The following RAP1GAP variants were observed in gnomAD, a reference collection of about 807,000 sequenced individuals.
The protein encoded by RAP1GAP is RAP1 GTPase activating protein, also known as rap1 GTPase-activating protein 1.
RAP1GAP carries 35 observed loss-of-function variants against 87.2 expected under a neutral mutation model. The observed-to-expected ratio is 0.40, with a 90% CI of 0.31 to 0.53. The LOEUF is 0.53. Among genes scored for constraint, RAP1GAP ranks in the 20% least tolerant of loss-of-function variants. RAP1GAP has a pLI of 0.48. For synonymous variants in RAP1GAP, 375 were observed against 363.9 expected (o/e 1.03, Z -0.35); for missense variants, 734 against 898.9 (o/e 0.82, Z 2.35).
intron 2 of RAP1GAP, among the ~76,000 whole-genome samples, chr1:21,642,824 G>A (rs1199013221): frequency 1.3e-5 from 2 of 150,388 alleles, no homozygotes; most frequent in Admixed American, 1.3e-4. Context: ...TTGCTGACCT[G>A]CCACCTCCTG....
At chr1:21,627,968 G>C (rs1192318177) in intron 2 of RAP1GAP, among the ~76,000 whole-genome samples, 1 of 152,238 alleles carries the variant, frequency 6.6e-6, no homozygotes, top group Non-Finnish European at 1.5e-5. Flanking sequence ...GCTTGGGTTA[G>C]TGACACAGCC....
At chr1:21,629,956 A>G (rs2093388811) in intron 2 of RAP1GAP, among the ~76,000 whole-genome samples, 1 of 152,238 alleles carries the variant, frequency 6.6e-6, no homozygotes, top group Non-Finnish European at 1.5e-5. Flanking sequence ...CTTCCAGCTC[A>G]GGAACACGAT....
intron 10 of RAP1GAP, 85 bp from the exon 11 acceptor site, chr1:21,612,194 G>A (rs1276214401): frequency 6.7e-6 from 7 of 1,043,720 alleles, no homozygotes; most frequent in African/African-American, 4.8e-5. Context: ...CACTGAGCCA[G>A]GCGCTCTACA....
chr1:21,649,767 C>T lies in RAP1GAP; in HGVS notation c.-119G>A, dbSNP rs1312234369. ...GAGAGTCCCCAGTACTCACCACACA[C>T]TCCGGCGAGAAGTGAAGGACTTGTC... On this transcript the variant is annotated 5_prime_UTR_variant, in exon 2 of 25. The change creates a new upstream start codon in the 5' untranslated region. Transcript: ENST00000374765. 1 of 1,552,454 alleles carries T rather than the reference C, an allele frequency of 6.4e-7. No homozygotes were observed. Among genetic ancestry groups the T allele is most frequent in the East Asian group, 2.4e-5 (1 of 40,940 alleles).
At chr1:21,607,625 C>T (rs541448998) in intron 17 of RAP1GAP, among the ~76,000 whole-genome samples, 1 of 152,234 alleles carries the variant, frequency 6.6e-6, no homozygotes, top group Non-Finnish European at 1.5e-5. Context: ...AGCCTTTGTA[C>T]CAGCAGCCCT....
chr1:21,644,628 G>A (rs1023333999), intron 2 of RAP1GAP, among the ~76,000 whole-genome samples: 2 of 152,084 alleles, frequency 1.3e-5, no homozygotes, highest in African/African-American at 4.8e-5. Flanking sequence ...GGCCGGGCGC[G>A]GTGGCTCACG....
In RAP1GAP at chr1:21,613,658, G is replaced by A. The variant is rs375841009; in HGVS notation, c.444C>T (p.Thr148=). The change falls in exon 9 of 25, where the codon ACC becomes ACT. Residue 148 remains threonine (T), a synonymous_variant. Coordinates refer to ENST00000374765, the MANE Select transcript of RAP1GAP (RefSeq NM_002885.4). This position sits in a 1 kb window ranked among gnomAD's most constrained non-coding sequence, Gnocchi z 4.7. Reference sequence around the variant, plus strand: ...CCATCTGGACAACATTAGGGAACTCGGTGAGGCAGGAGATGGGGATGACAT... The same window carrying A: ...CCATCTGGACAACATTAGGGAACTCAGTGAGGCAGGAGATGGGGATGACAT... ...YHDVIPISCL[T]EFPNVVQMAK... 1.7e-4 allele frequency: 268 copies of A among 1,613,716 alleles called. No homozygotes were observed. The highest frequency in any genetic ancestry group is 2.5e-4 in the Admixed American group (15 of 60,012).
intron 11 of RAP1GAP, 32 bp from the exon 12 acceptor site, chr1:21,611,848 G>A: frequency 6.4e-7 from 1 of 1,572,610 alleles, no homozygotes; most frequent in South Asian, 1.1e-5. Context: ...CATTGAGCTG[G>A]AGTTCCTGAG....
intron 4 of RAP1GAP, among the ~76,000 whole-genome samples, chr1:21,619,318 G>A (rs924655519): frequency 6.6e-5 from 10 of 152,194 alleles, no homozygotes; most frequent in South Asian, 2.1e-4. Context: ...CGCACGTGCC[G>A]CTGGGAGTGG....
chr1:21,618,344 G>A (rs957558268), intron 5 of RAP1GAP, among the ~76,000 whole-genome samples: 10 of 152,164 alleles, frequency 6.6e-5, no homozygotes, highest in African/African-American at 2.2e-4. Flanking sequence ...GCCCCAAAGA[G>A]AGCATCAGGC....
At chr1:21,610,356 G>T (rs775874935) in intron 13 of RAP1GAP, 81 bp from the exon 14 acceptor site, 8 of 1,483,314 alleles carry the variant, frequency 5.4e-6, no homozygotes, top group Non-Finnish European at 7.4e-6. Context: ...GGTTTAGGAG[G>T]GTTTGGGGTA....
chr1:21,601,624 GA>G, intron 20 of RAP1GAP, 59 bp downstream of exon 20: 1 of 1,324,276 alleles, frequency 7.6e-7, no homozygotes. Flanking sequence ...CCAGGCAGGG[GA>G]GGGGAAGGAC....
At chr1:21,633,437 T>C (rs1315993927) in intron 2 of RAP1GAP, among the ~76,000 whole-genome samples, 3 of 152,176 alleles carry the variant, frequency 2.0e-5, no homozygotes, top group Admixed American at 6.5e-5. Flanking sequence ...TAGTGAACCA[T>C]TGATGCTTTG....
At chr1:21,660,075 C>T (rs2097059110) in intron 1 of RAP1GAP, among the ~76,000 whole-genome samples, 1 of 151,816 alleles carries the variant, frequency 6.6e-6, no homozygotes, top group Admixed American at 6.6e-5. Flanking sequence ...TGAATGCCTT[C>T]TGGGATAGGA....
rs1410267305 is a variant in RAP1GAP at position 21,668,676 on chromosome 1, C to T, written c.-149+578G>A. On this transcript the variant is annotated intron_variant, in intron 1 of 24. Transcript: ENST00000374765. This position sits in a 1 kb window ranked among gnomAD's most constrained non-coding sequence, Gnocchi z 6.2. ...CCAGGGGAGGCGACGAGGGGGCGCCCAACTTCGTGACGCGTGTGCCCCGCT... is the reference window on the plus strand; with the variant it reads ...CCAGGGGAGGCGACGAGGGGGCGCCTAACTTCGTGACGCGTGTGCCCCGCT... The T allele has an allele frequency of 6.6e-6, 1 of 152,094 alleles. No individual in the cohort carries two copies. Among genetic ancestry groups the T allele is most frequent in the Non-Finnish European group, 1.5e-5 (1 of 68,016 alleles). The allele number at this position is 152,094 out of a possible 1,614,324, so 9.4% of individuals were successfully genotyped here. A position where few individuals can be genotyped will look rare whatever the true frequency, so the allele number is the denominator to read the frequency against.
Position 21,634,743 on chromosome 1 carries a change from A to C in RAP1GAP, c.-112-8346T>G, listed in dbSNP as rs780879315. The C allele has an allele frequency of 1.7e-5, 8 of 471,798 alleles. No individual in the cohort carries two copies. The highest frequency in any genetic ancestry group is 3.2e-4 in the Middle Eastern group (1 of 3,084). 29.2% of individuals were successfully genotyped at this position (471,798 alleles called of 1,614,324 possible). A position where few individuals can be genotyped will look rare whatever the true frequency, so the allele number is the denominator to read the frequency against. Reference sequence around the variant, plus strand: ...CCCTGCCCAGGGCACAGCATCTGGGAACCAGGCCACCCATTTACCTGCTGT... The same window carrying C: ...CCCTGCCCAGGGCACAGCATCTGGGCACCAGGCCACCCATTTACCTGCTGT... On this transcript the variant is annotated intron_variant, in intron 2 of 24. Transcript: ENST00000374765. The surrounding 1 kb of genome is among the most constrained non-coding windows in gnomAD (Gnocchi z 4.1).
At chr1:21,656,381 T>G (rs1382535138) in intron 1 of RAP1GAP, among the ~76,000 whole-genome samples, 1 of 136,044 alleles carries the variant, frequency 7.4e-6, no homozygotes, top group Non-Finnish European at 1.5e-5. Flanking sequence ...ATCACACCAC[T>G]GCACTGCAGC....
intron 2 of RAP1GAP, among the ~76,000 whole-genome samples, chr1:21,646,093 A>C (rs1270962689): frequency 6.6e-6 from 1 of 152,108 alleles, no homozygotes; most frequent in East Asian, 1.9e-4. Context: ...GTAAGGGACA[A>C]ACAGTCATCT....
chr1:21,628,505 G>A (rs1472474453), intron 2 of RAP1GAP, among the ~76,000 whole-genome samples: 1 of 151,512 alleles, frequency 6.6e-6, no homozygotes, highest in Non-Finnish European at 1.5e-5. Context: ...AGATCATGAG[G>A]TCAAGAGATC....
Sources: allele counts gnomAD v4.1 joint callset (sites outside exome capture counted in the v4.1 genomes callset), GRCh38; gene constraint gnomAD v4.1.1; non-coding constraint Gnocchi (gnomAD v3.1); transcripts MANE v1.5; gene names NCBI Gene and HGNC (gene_info 2026-07-23, HGNC 2026-07-21).